The following PPP2R2C variants were observed in gnomAD, a reference collection of about 807,000 sequenced individuals.
The protein encoded by PPP2R2C is protein phosphatase 2 regulatory subunit Bgamma, also known as protein phosphatase 2, regulatory subunit B, gamma.
PPP2R2C carries 10 observed loss-of-function variants against 45.3 expected under a neutral mutation model. The observed-to-expected ratio is 0.22, with a 90% CI of 0.14 to 0.37. The LOEUF is 0.37. Ranked by LOEUF, PPP2R2C falls within the 10% of genes least tolerant of loss-of-function variation. The probability of loss-of-function intolerance (pLI) is 1.00; values close to 1 mark genes in which losing one functional copy is unlikely to be tolerated. For missense variants in PPP2R2C, 308 were observed against 619.7 expected (o/e 0.50, Z 5.34); for synonymous variants, 257 against 245.4 (o/e 1.05, Z -0.44).
rs554010899 is a variant in PPP2R2C at position 6,454,207 on chromosome 4, C to T, written c.70+17953G>A. Among the ~76,000 whole-genome samples, 10 of 152,212 alleles carry T rather than the reference C, an allele frequency of 6.6e-5. No individual in the cohort carries two copies. In the South Asian group the frequency reaches 1.2e-3, roughly 19 times the overall value. On this transcript the variant is annotated intron_variant, in intron 1 of 8. Coordinates refer to ENST00000382599, the MANE Select transcript of PPP2R2C (RefSeq NM_020416.4). ...TCTGCCCAGGGCGTCTGTGGCACACCGTGTTTCCCAGGGAGGGCCAGAGCA... is the reference window on the plus strand; with the variant it reads ...TCTGCCCAGGGCGTCTGTGGCACACTGTGTTTCCCAGGGAGGGCCAGAGCA...
chr4:6,520,827 C>T (rs1723995487), intron 2 of PPP2R2C, among the ~76,000 whole-genome samples: 1 of 152,242 alleles, frequency 6.6e-6, no homozygotes. Context: ...TTCCCAGCAA[C>T]TCTCAAGGCT....
At chr4:6,340,809 G>A (rs1031509486) in intron 6 of PPP2R2C, among the ~76,000 whole-genome samples, 12 of 152,338 alleles carry the variant, frequency 7.9e-5, no homozygotes, top group East Asian at 3.9e-4. Context: ...GAGGAAACCC[G>A]AAGCTCTTGC....
At chr4:6,340,703 C>T (rs1733379332) in intron 6 of PPP2R2C, among the ~76,000 whole-genome samples, 1 of 152,260 alleles carries the variant, frequency 6.6e-6, no homozygotes, top group Admixed American at 6.5e-5. Context: ...CACCCCTCAG[C>T]TTATTCCCCA....
At chr4:6,376,482 C>T (rs1423937603) in intron 3 of PPP2R2C, among the ~76,000 whole-genome samples, 2 of 151,062 alleles carry the variant, frequency 1.3e-5, no homozygotes, top group African/African-American at 4.9e-5. Flanking sequence ...GACAGGGTCT[C>T]ACTCACATCA....
At chr4:6,411,237 C>T (rs1718172019) in intron 1 of PPP2R2C, among the ~76,000 whole-genome samples, 2 of 152,156 alleles carry the variant, frequency 1.3e-5, no homozygotes, top group Admixed American at 6.5e-5. Context: ...CCCACAGTCA[C>T]ACAGCCAGGA....
At chr4:6,408,191 G>A (rs1717924678) in intron 1 of PPP2R2C, among the ~76,000 whole-genome samples, 1 of 152,160 alleles carries the variant, frequency 6.6e-6, no homozygotes, top group South Asian at 2.1e-4. Flanking sequence ...GTGCTCTTGG[G>A]TTTGTTAACA....
chr4:6,338,185 A>G (rs1026230022), intron 6 of PPP2R2C, among the ~76,000 whole-genome samples: 2 of 151,990 alleles, frequency 1.3e-5, no homozygotes, highest in African/African-American at 4.8e-5. Context: ...AGCCCCCATC[A>G]CTTGTGATGG....
intron 1 of PPP2R2C, among the ~76,000 whole-genome samples, chr4:6,553,222 CT>C (rs1164585231): frequency 6.6e-6 from 1 of 152,216 alleles, no homozygotes; most frequent in Non-Finnish European, 1.5e-5. Context: ...AGTGTTCCCC[CT>C]CTCCCTCCTG....
At chr4:6,370,448 G>A (rs1714712405) in intron 5 of PPP2R2C, among the ~76,000 whole-genome samples, 2 of 152,180 alleles carry the variant, frequency 1.3e-5, no homozygotes, top group Non-Finnish European at 2.9e-5. Flanking sequence ...CCACATCCAG[G>A]GGTTGGGGGC....
At chr4:6,375,044 TG>T (rs1715181706) in intron 4 of PPP2R2C, among the ~76,000 whole-genome samples, 1 of 152,284 alleles carries the variant, frequency 6.6e-6, no homozygotes, top group Admixed American at 6.5e-5. Flanking sequence ...CCACTGGCTC[TG>T]CCCCAAACAC....
Position 6,356,355 on chromosome 4 carries a change from T to C in PPP2R2C, c.626-8345A>G, listed in dbSNP as rs141491820. On this transcript the variant is annotated intron_variant, in intron 5 of 8. Transcript: ENST00000382599. ...ATGAGTGAGGTGTGCCCCTTCTACA[T>C]TGGAAACAGAGGCTCGGCGAGGAGA... is the stretch of plus-strand genomic sequence containing the variant. Among the ~76,000 whole-genome samples the C allele has an allele frequency of 1.8e-4, 28 of 152,262 alleles. No individual in the cohort carries two copies. The East Asian group carries it at 4.8e-3, about 26-fold the overall frequency.
chr4:6,360,976 A>G (rs190098829), intron 5 of PPP2R2C, among the ~76,000 whole-genome samples: 15 of 152,250 alleles, frequency 9.9e-5, no homozygotes, highest in Admixed American at 3.3e-4. Flanking sequence ...TTATAAGAAC[A>G]CCAGTCAGAT....
chr4:6,333,272 C>T (rs562607595), intron 7 of PPP2R2C, among the ~76,000 whole-genome samples: 57 of 152,348 alleles, frequency 3.7e-4, no homozygotes, highest in African/African-American at 1.3e-3. Context: ...CCCAGCCTGA[C>T]GCTCATCTCT....
In PPP2R2C at chr4:6,328,464, C is replaced by T. The variant is rs545649352; in HGVS notation, c.1052+798G>A. ...GCTTGTCCATTTCAGAATCTTACGC[C>T]TGGCAGGACCCTGAGCACAAAGCTG... On this transcript the variant is annotated intron_variant, in intron 8 of 8. Transcript: ENST00000382599. This position sits in a 1 kb window ranked among gnomAD's most constrained non-coding sequence, Gnocchi z 4.4. 6.6e-6 allele frequency among the ~76,000 whole-genome samples: 1 copy of T among 152,304 alleles called. No homozygotes were observed. The highest frequency in any genetic ancestry group is 2.4e-5 in the African/African-American group (1 of 41,564).
rs59527663 is a variant in PPP2R2C at position 6,324,434 on chromosome 4, AAAAAG to A, written c.1053-846_1053-842del. ...CAATAAGAGCAAAACTCCGTCTCGAAAAAAGAAAAGAAAAGAAAAGAAAAGACCCT... is the reference window on the plus strand; with the variant it reads ...CAATAAGAGCAAAACTCCGTCTCGAAAAAAGAAAAGAAAAGAAAAGACCCT... On this transcript the variant is annotated intron_variant, in intron 8 of 8. Transcript: ENST00000382599. The surrounding 1 kb of genome is among the most constrained non-coding windows in gnomAD (Gnocchi z 4.1). Among the ~76,000 whole-genome samples the A allele has an allele frequency of 0.54, 81,037 of 150,834 alleles. 22,329 individuals are homozygous for A. The highest frequency in any genetic ancestry group is 0.89 in the East Asian group (4,467 of 5,030).
intron 6 of PPP2R2C, among the ~76,000 whole-genome samples, chr4:6,343,046 A>C (rs2109210053): frequency 6.6e-6 from 1 of 152,368 alleles, no homozygotes; most frequent in East Asian, 1.9e-4. Context: ...CATGGATGGA[A>C]GTGGGAGGTG....
intron 2 of PPP2R2C, among the ~76,000 whole-genome samples, chr4:6,518,191 A>G (rs559006398): frequency 6.6e-6 from 1 of 152,356 alleles, no homozygotes; most frequent in East Asian, 1.9e-4. Context: ...GAATGTACAT[A>G]TTAGAAAAGA....
rs189711932 is a variant in PPP2R2C, at chr4:6,368,904, T to A, written c.625+3619A>T. On this transcript the variant is annotated intron_variant, in intron 5 of 8. Transcript: ENST00000382599. This position sits in a 1 kb window ranked among gnomAD's most constrained non-coding sequence, Gnocchi z 4.2. ...TGTTTACAGTACATCAATAGCTTCA[T>A]AGTTTCCCGTTCCCTGGAAGCAGGC... Among the ~76,000 whole-genome samples the A allele has an allele frequency of 6.6e-6, 1 of 152,266 alleles. No individual in the cohort carries two copies. Among genetic ancestry groups the A allele is most frequent in the Non-Finnish European group, 1.5e-5 (1 of 68,018 alleles).
intron 5 of PPP2R2C, chr4:6,348,906 T>A: frequency 1.2e-6 from 1 of 804,240 alleles, no homozygotes; most frequent in Non-Finnish European, 1.5e-6. Context: ...CTTTGCTGCT[T>A]GCAAAGGCAG....
Sources: allele counts gnomAD v4.1 joint callset (sites outside exome capture counted in the v4.1 genomes callset), GRCh38; gene constraint gnomAD v4.1.1; non-coding constraint Gnocchi (gnomAD v3.1); transcripts MANE v1.5; gene names NCBI Gene and HGNC (gene_info 2026-07-23, HGNC 2026-07-21).